The following PAPSS1 variants were observed in gnomAD, a reference collection of about 807,000 sequenced individuals.
PAPSS1 encodes the protein 3'-phosphoadenosine 5'-phosphosulfate synthase 1.
PAPSS1 carries 50 observed loss-of-function variants against 72.0 expected under a neutral mutation model. The observed-to-expected ratio is 0.69, with a 90% confidence interval of 0.55 to 0.88. The LOEUF (loss-of-function observed/expected upper bound fraction) is 0.88, where lower values mean the gene tolerates loss of function less well. Among genes scored for constraint, PAPSS1 ranks in the 40% least tolerant of loss-of-function variants. PAPSS1 has a pLI of 0.00. For synonymous variants in PAPSS1, 261 were observed against 263.6 expected, an observed-to-expected ratio of 0.99 and a Z score of 0.09; for missense variants, 657 against 782.2, an observed-to-expected ratio of 0.84 and a Z score of 1.91.
intron 2 of PAPSS1, among the ~76,000 whole-genome samples, chr4:107,695,201 C>T (rs1050362284): frequency 6.6e-6 from 1 of 152,128 alleles, no homozygotes; most frequent in African/African-American, 2.4e-5. Flanking sequence ...TTGAAGAGGT[C>T]CTTCACGTCC....
At chr4:107,688,068 T>C (rs1360102464) in intron 3 of PAPSS1, among the ~76,000 whole-genome samples, 1 of 151,872 alleles carries the variant, frequency 6.6e-6, no homozygotes, top group Admixed American at 6.6e-5. Context: ...TTTATCTACA[T>C]ACTAATGATC....
intron 3 of PAPSS1, 53 bp downstream of exon 3, chr4:107,693,718 A>G (rs1346577218): frequency 3.9e-6 from 5 of 1,269,738 alleles, no homozygotes; most frequent in Non-Finnish European, 5.7e-6. Flanking sequence ...TTTGCCTGAT[A>G]CCATATTCTC....
chr4:107,643,544 T>C (rs1726612416), intron 10 of PAPSS1, among the ~76,000 whole-genome samples: 1 of 152,030 alleles, frequency 6.6e-6, no homozygotes, highest in South Asian at 2.1e-4. Flanking sequence ...TCCCAAGAGT[T>C]CTCCCTAAGA....
At chr4:107,691,318 T>C (rs2110341359) in intron 3 of PAPSS1, among the ~76,000 whole-genome samples, 1 of 152,296 alleles carries the variant, frequency 6.6e-6, no homozygotes, top group Admixed American at 6.5e-5. Flanking sequence ...ACTTACGTAA[T>C]CTTCAGAGCA....
At chr4:107,719,405 A>G (rs1211928437) in intron 1 of PAPSS1, among the ~76,000 whole-genome samples, 1 of 152,216 alleles carries the variant, frequency 6.6e-6, no homozygotes, top group Admixed American at 6.5e-5. Context: ...CAACGTTATG[A>G]GGACACAGCA....
At chr4:107,641,950 T>C (rs1726555202) in intron 10 of PAPSS1, among the ~76,000 whole-genome samples, 1 of 152,212 alleles carries the variant, frequency 6.6e-6, no homozygotes, top group Admixed American at 6.5e-5. Context: ...CATCTTGTCA[T>C]GAGCCAGGCA....
intron 5 of PAPSS1, among the ~76,000 whole-genome samples, chr4:107,662,825 C>T (rs1171741481): frequency 3.3e-5 from 5 of 152,228 alleles, no homozygotes; most frequent in South Asian, 4.1e-4. Context: ...GTACATTACA[C>T]GACAAATGAT....
intron 11 of PAPSS1, among the ~76,000 whole-genome samples, chr4:107,615,694 T>C (rs1725801345): frequency 6.6e-6 from 1 of 152,164 alleles, no homozygotes; most frequent in Non-Finnish European, 1.5e-5. Flanking sequence ...ATGCTCATGA[T>C]GTGATTAATG....
intron 7 of PAPSS1, among the ~76,000 whole-genome samples, chr4:107,656,241 G>A (rs1430278042): frequency 2.0e-5 from 3 of 151,846 alleles, no homozygotes; most frequent in African/African-American, 4.8e-5. Context: ...TCAGCCTCCC[G>A]AGTAGCTGGG....
intron 1 of PAPSS1, among the ~76,000 whole-genome samples, chr4:107,713,767 AAAAAAG>A (rs1723562148): frequency 2.0e-5 from 1 of 50,368 alleles, no homozygotes; most frequent in Admixed American, 2.6e-4. Context: ...AAACAAAAAA[AAAAAAG>A]AAAAAAAAAT....
At chr4:107,627,456 T>C (rs1726128469) in intron 11 of PAPSS1, among the ~76,000 whole-genome samples, 1 of 152,122 alleles carries the variant, frequency 6.6e-6, no homozygotes, top group African/African-American at 2.4e-5. Flanking sequence ...GGGCCCAGCA[T>C]TTCACCTGAC....
chr4:107,697,063 T>C (rs1560588818), intron 2 of PAPSS1, among the ~76,000 whole-genome samples: 4 of 9,272 alleles, frequency 4.3e-4, no homozygotes. Flanking sequence ...TCACTTAATT[T>C]GGGAGAAGCC....
intron 10 of PAPSS1, among the ~76,000 whole-genome samples, chr4:107,632,848 A>G (rs1387935580): frequency 7.2e-5 from 11 of 152,212 alleles, no homozygotes; most frequent in Non-Finnish European, 1.0e-4. Context: ...CCATATTAAA[A>G]TAAGGTATAA....
intron 6 of PAPSS1, among the ~76,000 whole-genome samples, chr4:107,658,787 T>A (rs1727088539): frequency 6.6e-6 from 1 of 152,132 alleles, no homozygotes; most frequent in Non-Finnish European, 1.5e-5. Flanking sequence ...ATGGTATCTG[T>A]TAGGGATTGA....
Position 107,694,056 on chromosome 4 carries a change from A to G in PAPSS1, c.176-50T>C. 2.3e-6 allele frequency: 3 copies of G among 1,293,408 alleles called. No homozygotes were observed. The South Asian group carries it at 3.7e-5, about 16-fold the overall frequency. The allele number at this position is 1,293,408 out of a possible 1,614,324, so 80.1% of individuals were successfully genotyped here. A position where few individuals can be genotyped will look rare whatever the true frequency, so the allele number is the denominator to read the frequency against. ...TTCCATGTGTAAAGTTAGAAGGATAACTATGTAGTAATACTTTTTTTTTCC... is the reference window on the plus strand; with the variant it reads ...TTCCATGTGTAAAGTTAGAAGGATAGCTATGTAGTAATACTTTTTTTTTCC... On this transcript the variant is annotated intron_variant, in intron 2 of 11. Transcript: ENST00000265174.
intron 5 of PAPSS1, among the ~76,000 whole-genome samples, chr4:107,678,387 G>A (rs145338930): frequency 6.6e-6 from 1 of 152,102 alleles, no homozygotes; most frequent in East Asian, 1.9e-4. Context: ...TTCCAAAAGA[G>A]AGCATCACCT....
intron 2 of PAPSS1, among the ~76,000 whole-genome samples, chr4:107,694,858 C>T (rs1257759958): frequency 6.6e-6 from 1 of 151,964 alleles, no homozygotes; most frequent in Non-Finnish European, 1.5e-5. Flanking sequence ...AGTGTCATAA[C>T]CAAGATAGTT....
intron 9 of PAPSS1, among the ~76,000 whole-genome samples, chr4:107,649,741 G>A (rs557537455): frequency 3.3e-5 from 5 of 152,312 alleles, no homozygotes; most frequent in East Asian, 1.9e-4. Context: ...ATTCAGCAAC[G>A]CTATAAAGCT....
chr4:107,647,933 C>T (rs1370946656), intron 9 of PAPSS1, among the ~76,000 whole-genome samples: 1 of 152,126 alleles, frequency 6.6e-6, no homozygotes, highest in Non-Finnish European at 1.5e-5. Context: ...CGGACAGATG[C>T]ATTACAAAAA....
Sources: gnomAD v4.1 joint callset for allele counts (sites outside exome capture counted in the v4.1 genomes callset) on GRCh38, gnomAD v4.1.1 for gene constraint, MANE v1.5 for transcripts, NCBI Gene and HGNC (gene_info 2026-07-23, HGNC 2026-07-21) for gene names.